The following BABAM1 variants were observed in gnomAD, a reference collection of about 807,000 sequenced individuals.
The protein encoded by BABAM1 is BRISC and BRCA1 A complex member 1.
BABAM1 carries 14 observed loss-of-function variants against 34.4 expected under a neutral mutation model. The observed-to-expected ratio is 0.41, with a 90% CI of 0.27 to 0.64. The LOEUF (loss-of-function observed/expected upper bound fraction) is 0.64. BABAM1 is among the 30% of genes least tolerant of loss of function. BABAM1 has a pLI of 0.34. For missense variants in BABAM1, 393 were observed against 434.0 expected, an observed-to-expected ratio of 0.91 and a Z score of 0.84; for synonymous variants, 169 against 165.8, an observed-to-expected ratio of 1.02 and a Z score of -0.15.
Position 17,276,495 on chromosome 19 carries a change from C to A in BABAM1, c.570C>A (p.Ile190=). 6.3e-7 allele frequency: 1 copy of A among 1,591,870 alleles called. No individual in the cohort carries two copies. The highest frequency in any genetic ancestry group is 8.5e-7 in the Non-Finnish European group (1 of 1,169,872). The change falls in exon 7 of 9, where the codon ATC becomes ATA. Residue 190 remains isoleucine, a splice_region_variant and synonymous_variant. Coordinates refer to ENST00000598188, the MANE Select transcript of BABAM1 (RefSeq NM_014173.4). ...TFNLEGLFSL[I]QQKTELPVTE... ...CTGCTCCCTCCTCCCGGGTATGCAG[C>A]CAGCAGAAAACTGAGCTTCCGGTCA...
intron 2 of BABAM1, among the ~76,000 whole-genome samples, chr19:17,270,868 T>C (rs1568333504): frequency 6.6e-6 from 1 of 151,884 alleles, no homozygotes; most frequent in Non-Finnish European, 1.5e-5. Flanking sequence ...TTTTGTATTT[T>C]TTTAGTAGAG....
In BABAM1 at chr19:17,274,018, G is replaced by A. The variant is rs938736140; in HGVS notation, c.459G>A (p.Thr153=). The stretch of plus-strand genomic sequence containing the variant: ...CACTGGTGGTGGTGAACGATGACAC[G>A]GCCTGGGTGAGGCTGCGGCAGGCGC... ...EFALVVVNDD[T]AWLSGLTSDP... The change falls in exon 4 of 9, where the codon ACG becomes ACA. Residue 153 remains threonine, a synonymous_variant. Coordinates refer to ENST00000598188, the MANE Select transcript of BABAM1 (RefSeq NM_014173.4). The A allele has an allele frequency of 1.4e-5, 23 of 1,613,810 alleles. No individual in the cohort carries two copies. Among genetic ancestry groups the A allele is most frequent in the Admixed American group, 3.3e-5 (2 of 59,998 alleles).
At chr19:17,275,760 C>G in intron 5 of BABAM1, 41 bp from the exon 6 acceptor site, 1 of 1,613,350 alleles carries the variant, frequency 6.2e-7, no homozygotes, top group Non-Finnish European at 8.5e-7. Context: ...GTTTCCCGCT[C>G]ACTCGTGCTC....
rs1223917545 is a variant in BABAM1, at chr19:17,276,819, G to A, written c.700-4G>A. The A allele has an allele frequency of 1.2e-6, 2 of 1,601,374 alleles. No homozygotes were observed. The highest frequency in any genetic ancestry group is 1.7e-6 in the Non-Finnish European group (2 of 1,173,876). ...GAGGCTGGTGTTCTTTACTTCCCCT[G>A]CAGAAAATGTTCCAGTGCCCATATT... On this transcript the variant is annotated splice_polypyrimidine_tract_variant and splice_region_variant and intron_variant, in intron 7 of 8. Coordinates refer to ENST00000598188, the MANE Select transcript of BABAM1 (RefSeq NM_014173.4).
intron 3 of BABAM1, 105 bp downstream of exon 3, chr19:17,271,760 T>C: frequency 2.3e-6 from 3 of 1,328,554 alleles, no homozygotes; most frequent in Non-Finnish European, 3.2e-6. Flanking sequence ...TTGGTCTGGC[T>C]TCAGGCTTGG....
chr19:17,269,714 T>G (rs565522425), intron 2 of BABAM1, among the ~76,000 whole-genome samples: 2 of 151,872 alleles, frequency 1.3e-5, no homozygotes, highest in South Asian at 2.1e-4. Context: ...TGCATCACTC[T>G]AGTCTTTGCC....
rs1185423147 is a variant in BABAM1 at position 17,269,917 on chromosome 19, GTTTC to G, written c.285+838_285+841del. 2.0e-5 allele frequency among the ~76,000 whole-genome samples: 3 copies of G among 148,690 alleles called. No individual in the cohort carries two copies. The East Asian group carries it at 5.9e-4, about 29-fold the overall frequency. On this transcript the variant is annotated intron_variant, in intron 2 of 8. Transcript: ENST00000598188. ...TTTTTGTATTTTTAGTAGAGATGGG[GTTTC>G]TTTCTTTCTTTTTTTTTTTTTTGAG...
At position 17,276,859 on chromosome 19, in the gene BABAM1, GT is replaced by G; in HGVS notation, c.739del (p.Tyr247ThrfsTer13). 2 of 1,605,394 alleles carry G rather than the reference GT, an allele frequency of 1.2e-6. No individual in the cohort carries two copies. Among genetic ancestry groups the G allele is most frequent in the Admixed American group, 1.7e-5 (1 of 58,702 alleles). ...FQCPYFFFDVVYIHNGTEEKE... is the reference protein window; with the variant it reads ...FQCPYFFFDVXYIHNGTEEKE... Reference sequence around the variant, plus strand: ...GTGCCCATATTTCTTCTTTGACGTTGTTTACATCCACAATGGCACTGAGGAG... The same window carrying G: ...GTGCCCATATTTCTTCTTTGACGTTGTTACATCCACAATGGCACTGAGGAG... On this transcript the variant is annotated frameshift_variant, in exon 8 of 9. Coordinates refer to ENST00000598188, the MANE Select transcript of BABAM1 (RefSeq NM_014173.4). LOFTEE classifies it high-confidence loss of function.
chr19:17,275,569 C>T (rs747029366), intron 5 of BABAM1, among the ~76,000 whole-genome samples: 1 of 152,216 alleles, frequency 6.6e-6, no homozygotes, highest in Non-Finnish European at 1.5e-5. Flanking sequence ...TGATTGCAGG[C>T]GTGTGCCACC....
chr19:17,276,404 G>T (rs1239592367), intron 6 of BABAM1, 91 bp from the exon 7 acceptor site: 28 of 1,538,964 alleles, frequency 1.8e-5, no homozygotes, highest in Non-Finnish European at 2.5e-5. Context: ...GGCCTCACCT[G>T]CCCGGTGAGC....
chr19:17,272,476 G>T (rs929689656), intron 3 of BABAM1, among the ~76,000 whole-genome samples: 1 of 150,942 alleles, frequency 6.6e-6, no homozygotes, highest in African/African-American at 2.4e-5. Flanking sequence ...TGCGATCTCC[G>T]CTCACTGCAA....
intron 6 of BABAM1, 98 bp from the exon 7 acceptor site, chr19:17,276,397 C>G: frequency 6.5e-7 from 1 of 1,533,266 alleles, no homozygotes; most frequent in Non-Finnish European, 8.8e-7. Context: ...TCAGTGGGGC[C>G]TCACCTGCCC....
chr19:17,274,073 G>A (rs745884080), intron 4 of BABAM1, 34 bp from the exon 5 acceptor site: 4 of 1,613,676 alleles, frequency 2.5e-6, no homozygotes, highest in Admixed American at 3.3e-5. Context: ...TGGGGCCCGG[G>A]GAGCATCGCA....
At chr19:17,274,323 C>T in intron 5 of BABAM1, 138 bp downstream of exon 5, 1 of 1,102,970 alleles carries the variant, frequency 9.1e-7, no homozygotes, top group Non-Finnish European at 1.3e-6. Context: ...AAAGTCACCC[C>T]TCTGAGCCTC....
chr19:17,273,650 G>A (rs903295462), intron 3 of BABAM1, among the ~76,000 whole-genome samples: 1 of 142,382 alleles, frequency 7.0e-6, no homozygotes, highest in African/African-American at 2.6e-5. Context: ...TGCAACCTCC[G>A]CCTTCTGGGT....
chr19:17,277,011 C>G (rs1241648092), intron 8 of BABAM1, 102 bp downstream of exon 8: 2 of 1,132,940 alleles, frequency 1.8e-6, no homozygotes, highest in African/African-American at 3.1e-5. Context: ...TTTGATACCC[C>G]TGGAACCCTG....
rs2073841642 is a variant in BABAM1, at chr19:17,271,599, T to G, written c.288T>G (p.Ile96Met). The change falls in exon 3 of 9, where the codon ATT (isoleucine) becomes ATG (methionine). Residue 96 changes from isoleucine (I) to methionine (M), a missense_variant and splice_region_variant. Ile to Met is a conservative substitution (Grantham distance 10). Transcript: ENST00000598188. Reference protein sequence around the residue: ...TPRVNCPEKVIICLDLSEEMS... With the variant: ...TPRVNCPEKVMICLDLSEEMS... ...ACCACCCTCCAACTACCTTGCAGAT[T>G]ATCTGCCTGGACCTGTCAGAGGAAA... is the stretch of plus-strand genomic sequence containing the variant. The G allele has an allele frequency of 6.2e-7, 1 of 1,613,670 alleles. No individual in the cohort carries two copies. Among genetic ancestry groups the G allele is most frequent in the African/African-American group, 1.3e-5 (1 of 75,044 alleles).
chr19:17,277,943 G>A (rs577209859), intron 8 of BABAM1, among the ~76,000 whole-genome samples: 46 of 151,914 alleles, frequency 3.0e-4, no homozygotes, highest in African/African-American at 8.7e-4. Flanking sequence ...TTGGGAAGCC[G>A]AGGCGGGTGA....
At chr19:17,277,894 C>T (rs1033647829) in intron 8 of BABAM1, among the ~76,000 whole-genome samples, 2 of 150,040 alleles carry the variant, frequency 1.3e-5, no homozygotes, top group South Asian at 2.1e-4. Flanking sequence ...AATAAAAATA[C>T]GGCCAGGTGT....
Sources: allele counts gnomAD v4.1 joint callset (sites outside exome capture counted in the v4.1 genomes callset), GRCh38; gene constraint gnomAD v4.1.1; transcripts MANE v1.5; gene names NCBI Gene and HGNC (gene_info 2026-07-23, HGNC 2026-07-21).